CLVS1: variants seen among roughly 807,000 people sequenced by gnomAD.
The protein encoded by CLVS1 is clavesin 1, also known as clavesin-1.
A neutral mutation model predicts 33.1 loss-of-function variants in CLVS1; 10 were observed. That is an observed-to-expected ratio of 0.30 (90% confidence interval 0.19 to 0.51). The LOEUF (loss-of-function observed/expected upper bound fraction) is 0.51. Ranked by LOEUF, CLVS1 falls within the 20% of genes least tolerant of loss-of-function variation. The pLI is 0.97. For synonymous variants in CLVS1, 163 were observed against 166.1 expected (o/e 0.98, Z 0.14); for missense variants, 343 against 433.4 (o/e 0.79, Z 1.85).
At chr8:61,169,537 TGAGA>T (rs1806949890) in intron 2 of CLVS1, among the ~76,000 whole-genome samples, 1 of 152,214 alleles carries the variant, frequency 6.6e-6, no homozygotes, top group African/African-American at 2.4e-5. Context: ...AAAAATGACC[TGAGA>T]GACTTTATCT....
intron 1 of CLVS1, among the ~76,000 whole-genome samples, chr8:61,298,201 A>T (rs1242891008): frequency 6.6e-6 from 1 of 152,162 alleles, no homozygotes; most frequent in Non-Finnish European, 1.5e-5. Flanking sequence ...GAATTTTAAC[A>T]TCAGGTGGGC....
chr8:60,996,653 A>C, the CLVS1 span, among the ~76,000 whole-genome samples: 1 of 152,130 alleles, frequency 6.6e-6, no homozygotes, highest in African/African-American at 2.4e-5. Context: ...GACGAATGCC[A>C]CCACCAGTTA....
intron 2 of CLVS1, among the ~76,000 whole-genome samples, chr8:61,240,110 A>T (rs1359868251): frequency 6.6e-6 from 1 of 152,236 alleles, no homozygotes; most frequent in African/African-American, 2.4e-5. Flanking sequence ...AGAAAACAAG[A>T]TCAATAAACA....
chr8:61,011,185 GAA>G, the CLVS1 span, among the ~76,000 whole-genome samples: 1 of 152,182 alleles, frequency 6.6e-6, no homozygotes, highest in African/African-American at 2.4e-5. Flanking sequence ...AGGGTCTCTT[GAA>G]CCCACGAGTT....
intron 1 of CLVS1, among the ~76,000 whole-genome samples, chr8:61,127,742 A>G (rs772674036): frequency 1.8e-4 from 27 of 152,156 alleles, no homozygotes; most frequent in African/African-American, 2.9e-4. Context: ...TTCCAGTTGG[A>G]TATTCATTTT....
At chr8:61,313,810 G>A (rs1810921700) in intron 2 of CLVS1, among the ~76,000 whole-genome samples, 1 of 152,118 alleles carries the variant, frequency 6.6e-6, no homozygotes, top group Non-Finnish European at 1.5e-5. Context: ...GAGAATGAGG[G>A]AGGAAGAGAC....
At chr8:61,381,111 C>A (rs890707713) in intron 3 of CLVS1, among the ~76,000 whole-genome samples, 1 of 151,770 alleles carries the variant, frequency 6.6e-6, no homozygotes, top group Non-Finnish European at 1.5e-5. Context: ...CCATTCTGAA[C>A]ACTTGGTGCG....
intron 2 of CLVS1, among the ~76,000 whole-genome samples, chr8:61,156,656 G>A (rs1806655970): frequency 6.6e-6 from 1 of 152,118 alleles, no homozygotes; most frequent in Non-Finnish European, 1.5e-5. Context: ...ATAAATAACA[G>A]TAATAATTGG....
intron 2 of CLVS1, among the ~76,000 whole-genome samples, chr8:61,190,788 T>G (rs960202910): frequency 1.7e-4 from 26 of 152,188 alleles, no homozygotes; most frequent in Admixed American, 1.6e-3. Flanking sequence ...AATGCATAAA[T>G]TCCTGGACAC....
At chr8:61,039,526 T>C in the CLVS1 span, among the ~76,000 whole-genome samples, 2 of 152,166 alleles carry the variant, frequency 1.3e-5, no homozygotes, top group African/African-American at 4.8e-5. Flanking sequence ...TTAATTTCTT[T>C]TTTTCTTTTT....
intron 2 of CLVS1, among the ~76,000 whole-genome samples, chr8:61,147,036 A>G (rs1014171019): frequency 2.0e-5 from 3 of 152,240 alleles, no homozygotes; most frequent in African/African-American, 7.2e-5. Context: ...CGAGCAGATC[A>G]GGGCAATAGC....
chr8:61,355,911 A>T (rs1408009915), intron 2 of CLVS1, among the ~76,000 whole-genome samples: 1 of 152,164 alleles, frequency 6.6e-6, no homozygotes, highest in Non-Finnish European at 1.5e-5. Context: ...TGATTTATAG[A>T]CCTTTGGGTG....
upstream of CLVS1, among the ~76,000 whole-genome samples, chr8:61,285,947 G>A (rs375237216): frequency 7.4e-6 from 1 of 135,864 alleles, no homozygotes; most frequent in African/African-American, 3.1e-5. Context: ...ATCATATTTT[G>A]TTTTCCCTGT....
chr8:61,183,145 G>T (rs1195698102), intron 2 of CLVS1, among the ~76,000 whole-genome samples: 1 of 120,206 alleles, frequency 8.3e-6, no homozygotes, highest in Non-Finnish European at 2.1e-5. Context: ...AGGGCCTGTG[G>T]GCAGGGCGGA....
chr8:61,468,291 G>A (rs978474180), intron 5 of CLVS1, among the ~76,000 whole-genome samples: 6 of 152,154 alleles, frequency 3.9e-5, no homozygotes, highest in Non-Finnish European at 8.8e-5. Flanking sequence ...TCCTTACATA[G>A]CTAATATTTT....
intron 3 of CLVS1, among the ~76,000 whole-genome samples, chr8:61,410,785 G>A (rs1815190532): frequency 6.6e-6 from 1 of 152,096 alleles, no homozygotes; most frequent in Non-Finnish European, 1.5e-5. Context: ...GGGACTACAG[G>A]CGTGAACCAC....
chr8:61,441,994 C>T (rs1816569306), intron 3 of CLVS1, among the ~76,000 whole-genome samples: 1 of 152,054 alleles, frequency 6.6e-6, no homozygotes, highest in Admixed American at 6.6e-5. Context: ...GCAGAAAAGA[C>T]CATCCTTCTT....
At chr8:61,465,894 C>T (rs1261498357) in intron 5 of CLVS1, 3 of 152,218 alleles carry the variant, frequency 2.0e-5, no homozygotes, top group African/African-American at 7.2e-5. Flanking sequence ...GATCTCTTGA[C>T]TCTCATGATC....
intron 2 of CLVS1, among the ~76,000 whole-genome samples, chr8:61,357,452 C>T (rs1812765369): frequency 7.0e-6 from 1 of 143,066 alleles, no homozygotes; most frequent in Non-Finnish European, 1.5e-5. Context: ...TTCTGTTTGC[C>T]AGGACGTTTT....
Sources: allele counts gnomAD v4.1 joint callset (sites outside exome capture counted in the v4.1 genomes callset), GRCh38; gene constraint gnomAD v4.1.1; transcripts MANE v1.5; gene names NCBI Gene and HGNC (gene_info 2026-07-23, HGNC 2026-07-21).